Variants in TMCO4 observed in about 807,000 individuals in gnomAD.
The protein encoded by TMCO4 is transmembrane and coiled-coil domains 4.
Under a neutral mutation model 64.7 loss-of-function variants are expected in TMCO4, and 58 were observed. The ratio of observed to expected loss-of-function variants is 0.90; its 90% CI spans 0.73 to 1.12. The LOEUF (loss-of-function observed/expected upper bound fraction) is 1.12. TMCO4 is among the 50% of genes most tolerant of loss of function. The pLI, the probability that TMCO4 is intolerant of heterozygous loss-of-function variation, is 0.00. For missense variants in TMCO4, 780 were observed against 825.9 expected (o/e 0.94, Z 0.68); for synonymous variants, 325 against 346.1 (o/e 0.94, Z 0.68).
intron 13 of TMCO4, among the ~76,000 whole-genome samples, chr1:19,733,003 C>T (rs558886286): frequency 2.6e-5 from 4 of 152,218 alleles, no homozygotes; most frequent in South Asian, 4.1e-4. Context: ...CGGTGGCTCA[C>T]GCCTGTAATG....
intron 13 of TMCO4, among the ~76,000 whole-genome samples, chr1:19,716,233 G>A (rs2095355555): frequency 6.7e-6 from 1 of 150,086 alleles, no homozygotes. Context: ...TGTCCAGGCT[G>A]GAGCGCAGTG....
At chr1:19,750,292 C>T (rs962571175) in intron 7 of TMCO4, 2 of 152,110 alleles carry the variant, frequency 1.3e-5, no homozygotes, top group African/African-American at 4.8e-5. Context: ...TGACGATATA[C>T]GACGGGAACG....
intron 13 of TMCO4, among the ~76,000 whole-genome samples, chr1:19,703,812 T>G (rs2095288030): frequency 6.6e-6 from 1 of 152,188 alleles, no homozygotes; most frequent in Non-Finnish European, 1.5e-5. Flanking sequence ...CCTCCCAAAG[T>G]GCTGGGATTA....
intron 15 of TMCO4, among the ~76,000 whole-genome samples, chr1:19,684,492 G>GCCCCTCTA (rs753534480): frequency 1.3e-5 from 2 of 152,108 alleles, no homozygotes; most frequent in Non-Finnish European, 2.9e-5. Flanking sequence ...CCTTGGTCAA[G>GCCCCTCTA]CCCCTCTACC....
At chr1:19,683,520 C>T in intron 15 of TMCO4, 76 bp from the exon 16 acceptor site, 3 of 1,540,018 alleles carry the variant, frequency 1.9e-6, no homozygotes, top group South Asian at 2.4e-5. Flanking sequence ...GGCCAAACTT[C>T]TGGGCCTCAG....
At chr1:19,714,494 T>C (rs1234857420) in intron 13 of TMCO4, among the ~76,000 whole-genome samples, 1 of 152,238 alleles carries the variant, frequency 6.6e-6, no homozygotes, top group Non-Finnish European at 1.5e-5. Context: ...ATTCTGATTG[T>C]GTTGTTTCTG....
At chr1:19,742,932 C>T (rs1350184382) in intron 10 of TMCO4, among the ~76,000 whole-genome samples, 1 of 152,112 alleles carries the variant, frequency 6.6e-6, no homozygotes, top group Non-Finnish European at 1.5e-5. Flanking sequence ...TGCCTGTAAT[C>T]CCAGCTACTC....
intron 13 of TMCO4, among the ~76,000 whole-genome samples, chr1:19,708,719 C>A (rs2095314938): frequency 6.6e-6 from 1 of 152,128 alleles, no homozygotes; most frequent in African/African-American, 2.4e-5. Context: ...CCAGGGCCTG[C>A]TCCTTTAGCT....
rs1349806172 is a variant in TMCO4 at position 19,746,606 on chromosome 1, G to A, written c.614-7C>T. 15 of 1,599,070 alleles carry A rather than the reference G, an allele frequency of 9.4e-6. No homozygotes were observed. Among genetic ancestry groups the A allele is most frequent in the East Asian group, 4.5e-5 (2 of 44,440 alleles). ...GCTAGACCTCCAGTCACACCTGTGGGAAAAGCAGCAGTTTCAGGTGGGAGT... is the reference window on the plus strand; with the variant it reads ...GCTAGACCTCCAGTCACACCTGTGGAAAAAGCAGCAGTTTCAGGTGGGAGT... On this transcript the variant is annotated splice_region_variant and splice_polypyrimidine_tract_variant and intron_variant, in intron 8 of 15. Transcript: ENST00000294543.
intron 13 of TMCO4, among the ~76,000 whole-genome samples, chr1:19,721,164 G>A (rs150311077): frequency 6.6e-6 from 1 of 152,172 alleles, no homozygotes; most frequent in Non-Finnish European, 1.5e-5. Context: ...TTCTGAGTGA[G>A]GGGGAGGCCT....
rs1199851032 is a variant in TMCO4, at chr1:19,743,218, C to A, written c.878-2277G>T. Among the ~76,000 whole-genome samples, 1 of 152,130 alleles carries A rather than the reference C, an allele frequency of 6.6e-6. No individual in the cohort carries two copies. The highest frequency in any genetic ancestry group is 2.1e-4 in the South Asian group (1 of 4,818). ...GGTGACCCTGGGCACCCCTTATAAG[C>A]CTCAGTTTCCTCATCTGGAAAAGGG... On this transcript the variant is annotated intron_variant, in intron 10 of 15. Transcript: ENST00000294543. This position sits in a 1 kb window ranked among gnomAD's most constrained non-coding sequence, Gnocchi z 4.1.
intron 15 of TMCO4, among the ~76,000 whole-genome samples, chr1:19,690,119 C>T (rs2100544870): frequency 6.6e-6 from 1 of 152,338 alleles, no homozygotes; most frequent in African/African-American, 2.4e-5. Context: ...TCCACTCATC[C>T]CCTCTCTGCA....
At chr1:19,776,728 T>C (rs1225154896) in intron 4 of TMCO4, among the ~76,000 whole-genome samples, 2 of 151,740 alleles carry the variant, frequency 1.3e-5, no homozygotes, top group African/African-American at 2.4e-5. Flanking sequence ...ATGATGGAGG[T>C]TGAAAACAGC....
Position 19,755,720 on chromosome 1 carries a change from G to A in TMCO4, c.429C>T (p.Ser143=), listed in dbSNP as rs770070751. The A allele has an allele frequency of 1.2e-6, 2 of 1,614,030 alleles. No homozygotes were observed. Among genetic ancestry groups the A allele is most frequent in the East Asian group, 2.2e-5 (1 of 44,886 alleles). The change falls in exon 7 of 16, where the codon TCC becomes TCT. Residue 143 remains serine, a synonymous_variant. Transcript: ENST00000294543. Reference sequence around the variant, plus strand: ...GCTCCTCCAAGGGCACTTGGAGCAGGGAGGTCATGTGGCAAACGAGGACTC... The same window carrying A: ...GCTCCTCCAAGGGCACTTGGAGCAGAGAGGTCATGTGGCAAACGAGGACTC... ...RARVLVCHMT[S]LLQVPLEELD...
chr1:19,761,662 G>C (rs2042511576), intron 6 of TMCO4, among the ~76,000 whole-genome samples: 1 of 152,260 alleles, frequency 6.6e-6, no homozygotes, highest in Admixed American at 6.5e-5. Flanking sequence ...AGGTCCCAGA[G>C]AGCTTGTGGA....
At chr1:19,694,368 C>T in intron 15 of TMCO4, 66 bp downstream of exon 15, 1 of 1,415,716 alleles carries the variant, frequency 7.1e-7, no homozygotes, top group African/African-American at 1.4e-5. Context: ...CTCCAGGGGA[C>T]AGGGGTGGCT....
At chr1:19,729,305 G>A (rs1484697502) in intron 13 of TMCO4, among the ~76,000 whole-genome samples, 6 of 151,804 alleles carry the variant, frequency 4.0e-5, no homozygotes, top group East Asian at 2.0e-4. Flanking sequence ...GTGCCACCAC[G>A]CCTGGCTAAT....
At chr1:19,750,392 G>A (rs1344487021) in intron 7 of TMCO4, 2 of 152,200 alleles carry the variant, frequency 1.3e-5, no homozygotes, top group Admixed American at 6.5e-5. Flanking sequence ...TGGGGAAGAG[G>A]TGTTTGAGCT....
rs10399784 is a variant in TMCO4, at chr1:19,682,497, T to C, written c.*543A>G. ...ACATGGCTGTACAGGGCAGATCTGA[T>C]TGGATCTCCTAAGAGCAGGAGTGAG... On this transcript the variant is annotated 3_prime_UTR_variant, in exon 16 of 16. Coordinates refer to ENST00000294543, the MANE Select transcript of TMCO4 (RefSeq NM_181719.7). 260 of 666,672 alleles carry C rather than the reference T, an allele frequency of 3.9e-4. No homozygotes were observed. The African/African-American group carries it at 4.4e-3, about 11-fold the overall frequency. 41.3% of individuals were successfully genotyped at this position (666,672 alleles called of 1,614,324 possible). A position where few individuals can be genotyped will look rare whatever the true frequency, so the allele number is the denominator to read the frequency against.
Sources: allele counts gnomAD v4.1 joint callset (sites outside exome capture counted in the v4.1 genomes callset), GRCh38; gene constraint gnomAD v4.1.1; non-coding constraint Gnocchi (gnomAD v3.1); transcripts MANE v1.5; gene names NCBI Gene and HGNC (gene_info 2026-07-23, HGNC 2026-07-21).